Variants in DGKI observed in about 807,000 individuals in gnomAD.
DGKI encodes the protein diacylglycerol kinase iota.
In DGKI, 55 loss-of-function variants were observed where a neutral mutation model predicts 147.5. The ratio of observed to expected loss-of-function variants is 0.37; its 90% confidence interval spans 0.30 to 0.47. The LOEUF (loss-of-function observed/expected upper bound fraction) is 0.47. Ranked by LOEUF, DGKI falls within the 20% of genes least tolerant of loss-of-function variation. DGKI has a pLI of 1.00. For synonymous variants in DGKI, 469 were observed against 477.1 expected, an observed-to-expected ratio of 0.98 and a Z score of 0.22; for missense variants, 1,007 against 1,323.8, an observed-to-expected ratio of 0.76 and a Z score of 3.71.
intron 1 of DGKI, among the ~76,000 whole-genome samples, chr7:137,785,492 AC>A (rs1172311654): frequency 1.3e-5 from 2 of 152,136 alleles, no homozygotes; most frequent in East Asian, 3.9e-4. Context: ...AAAATTGCCA[AC>A]AAAAAAAAAA....
intron 28 of DGKI, among the ~76,000 whole-genome samples, chr7:137,443,804 A>G (rs1278804332): frequency 6.6e-6 from 1 of 152,192 alleles, no homozygotes; most frequent in Non-Finnish European, 1.5e-5. Context: ...AAAACCACAA[A>G]AAGTTTCTGC....
chr7:137,844,066 G>A (rs1201261956), intron 1 of DGKI, among the ~76,000 whole-genome samples: 3 of 151,902 alleles, frequency 2.0e-5, no homozygotes, highest in Non-Finnish European at 4.4e-5. Context: ...CCCCACCAAG[G>A]AGCCGACCCT....
chr7:137,846,873 A>C lies in DGKI; in HGVS notation c.-11T>G. 2 of 1,153,738 alleles carry C rather than the reference A, an allele frequency of 1.7e-6. No homozygotes were observed. Among genetic ancestry groups the C allele is most frequent in the African/African-American group, 1.6e-5 (1 of 61,816 alleles). 71.5% of individuals were successfully genotyped at this position (1,153,738 alleles called of 1,614,324 possible). ...TCCCGCAGCATCCATCCGCGGCTGC[A>C]CCGCACCGGGGCATTGTGGGAAACT... is the stretch of plus-strand genomic sequence containing the variant. On this transcript the variant is annotated 5_prime_UTR_variant, in exon 1 of 33. Coordinates refer to ENST00000614521, the MANE Select transcript of DGKI (RefSeq NM_001321708.2). This position sits in a 1 kb window ranked among gnomAD's most constrained non-coding sequence, Gnocchi z 4.0.
At chr7:137,576,079 C>A (rs1379976745) in intron 17 of DGKI, among the ~76,000 whole-genome samples, 2 of 146,922 alleles carry the variant, frequency 1.4e-5, no homozygotes, top group East Asian at 3.9e-4. Context: ...TGCTCTGTCG[C>A]CCAGGCTGGA....
chr7:137,552,479 C>T lies in DGKI; in HGVS notation c.2037G>A (p.Val679=), dbSNP rs751834987. ...GGGCCAACCTACAGGGCTCCCCATCCACTTGCATGGGGATGGATTTGTAAG... is the reference window on the plus strand; with the variant it reads ...GGGCCAACCTACAGGGCTCCCCATCTACTTGCATGGGGATGGATTTGTAAG... ...LLTYKSIPMQ[V]DGEPCRLAPA... is the part of the protein sequence containing the mutation. Residue 679 remains valine, a synonymous_variant, in exon 20 of 33, where the codon GTG becomes GTA. Coordinates refer to ENST00000614521, the MANE Select transcript of DGKI (RefSeq NM_001321708.2). 1 of 1,614,202 alleles carries T rather than the reference C, an allele frequency of 6.2e-7. No homozygotes were observed. Among genetic ancestry groups the T allele is most frequent in the South Asian group, 1.1e-5 (1 of 91,074 alleles).
At chr7:137,667,934 A>G (rs1240688560) in intron 3 of DGKI, among the ~76,000 whole-genome samples, 6 of 152,190 alleles carry the variant, frequency 3.9e-5, no homozygotes, top group African/African-American at 1.4e-4. Flanking sequence ...TAATATACAC[A>G]TTACCCACAC....
chr7:137,706,876 C>T (rs1794049533), intron 1 of DGKI, among the ~76,000 whole-genome samples: 1 of 152,142 alleles, frequency 6.6e-6, no homozygotes, highest in Admixed American at 6.5e-5. Context: ...CCCGCCGAAA[C>T]ACCCTTATTT....
At chr7:137,790,670 A>C (rs1796824078) in intron 1 of DGKI, among the ~76,000 whole-genome samples, 1 of 152,220 alleles carries the variant, frequency 6.6e-6, no homozygotes, top group African/African-American at 2.4e-5. Flanking sequence ...CTGGTGAAAC[A>C]GAAAGAGCAG....
At chr7:137,814,597 G>A (rs986345711) in intron 1 of DGKI, among the ~76,000 whole-genome samples, 3 of 152,096 alleles carry the variant, frequency 2.0e-5, no homozygotes, top group Non-Finnish European at 4.4e-5. Flanking sequence ...ATCACCTTGG[G>A]TATTATACCT....
At chr7:137,750,320 A>G (rs1795459075) in intron 1 of DGKI, among the ~76,000 whole-genome samples, 1 of 152,184 alleles carries the variant, frequency 6.6e-6, no homozygotes, top group South Asian at 2.1e-4. Flanking sequence ...AACCTGGCAG[A>G]TTCCAAATGG....
At chr7:137,736,408 G>C (rs1199618466) in intron 1 of DGKI, among the ~76,000 whole-genome samples, 1 of 152,156 alleles carries the variant, frequency 6.6e-6, no homozygotes, top group African/African-American at 2.4e-5. Context: ...GTGTGACAGT[G>C]GGCAAATTAT....
rs1811332300 is a variant in DGKI, at chr7:137,390,847, G to A, written c.*373C>T. On this transcript the variant is annotated 3_prime_UTR_variant, in exon 33 of 33. Coordinates refer to ENST00000614521, the MANE Select transcript of DGKI (RefSeq NM_001321708.2). ...AGTTACAGTAGAATTGTATGGTACA[G>A]GGAAAAAAACCAATGCATAGGGGGA... 1 of 231,774 alleles carries A rather than the reference G, an allele frequency of 4.3e-6. No individual in the cohort carries two copies. The highest frequency in any genetic ancestry group is 5.8e-5 in the South Asian group (1 of 17,356). 14.4% of individuals were successfully genotyped at this position (231,774 alleles called of 1,614,324 possible). A position where few individuals can be genotyped will look rare whatever the true frequency, so the allele number is the denominator to read the frequency against.
At chr7:137,464,704 A>ATGCT (rs1814587208) in intron 26 of DGKI, among the ~76,000 whole-genome samples, 1 of 152,236 alleles carries the variant, frequency 6.6e-6, no homozygotes, top group African/African-American at 2.4e-5. Context: ...ACCACCCACA[A>ATGCT]ATAGCAGCAG....
chr7:137,509,522 C>T (rs1816503637), intron 21 of DGKI, among the ~76,000 whole-genome samples: 1 of 152,144 alleles, frequency 6.6e-6, no homozygotes, highest in Non-Finnish European at 1.5e-5. Context: ...TTACAACCTT[C>T]TGATACACTT....
chr7:137,447,610 G>A (rs908434859), intron 27 of DGKI, among the ~76,000 whole-genome samples: 9 of 152,196 alleles, frequency 5.9e-5, no homozygotes, highest in Non-Finnish European at 1.5e-5. Flanking sequence ...AATCCTACCA[G>A]ATATACAAGT....
intron 14 of DGKI, 22 bp from the exon 15 acceptor site, chr7:137,581,950 G>C: frequency 6.2e-7 from 1 of 1,605,536 alleles, no homozygotes; most frequent in African/African-American, 1.3e-5. Context: ...AACAAAGACA[G>C]AGGCAAAATT....
intron 27 of DGKI, among the ~76,000 whole-genome samples, chr7:137,448,198 G>A (rs755859191): frequency 1.3e-5 from 2 of 151,114 alleles, no homozygotes. Context: ...ACCTAGAAGA[G>A]GATGCTGATA....
intron 3 of DGKI, among the ~76,000 whole-genome samples, chr7:137,672,843 C>T (rs529931180): frequency 5.7e-5 from 8 of 140,254 alleles, no homozygotes; most frequent in East Asian, 4.3e-4. Flanking sequence ...TGCAATGGCA[C>T]GATCTCGGCT....
At chr7:137,466,161 G>A (rs775610145) in intron 25 of DGKI, 126 bp from the exon 26 acceptor site, 42 of 1,169,462 alleles carry the variant, frequency 3.6e-5, no homozygotes, top group Non-Finnish European at 5.1e-5. Flanking sequence ...TGATCAGTTG[G>A]TGATCCTCCC....
Sources: gnomAD v4.1 joint callset for allele counts (sites outside exome capture counted in the v4.1 genomes callset) on GRCh38, gnomAD v4.1.1 for gene constraint, Gnocchi (gnomAD v3.1) non-coding constraint, MANE v1.5 for transcripts, NCBI Gene and HGNC (gene_info 2026-07-23, HGNC 2026-07-21) for gene names.